Variants in FKBP6 observed in about 807,000 individuals in gnomAD.
The protein encoded by FKBP6 is inactive peptidyl-prolyl cis-trans isomerase FKBP6.
A neutral mutation model predicts 41.7 loss-of-function variants in FKBP6; 29 were observed. The ratio of observed to expected loss-of-function variants is 0.70; its 90% CI spans 0.52 to 0.95. The LOEUF (loss-of-function observed/expected upper bound fraction) is 0.95. FKBP6 is among the 40% of genes least tolerant of loss of function. FKBP6 has a pLI of 0.00. For synonymous variants in FKBP6, 130 were observed against 165.1 expected (o/e 0.79, Z 1.63); for missense variants, 338 against 408.7 (o/e 0.83, Z 1.49).
intron 3 of FKBP6, 130 bp downstream of exon 3, chr7:73,329,579 AAC>A (rs1804767592): frequency 8.0e-6 from 6 of 750,492 alleles, no homozygotes; most frequent in Non-Finnish European, 1.2e-5. Context: ...GGGTTTTGGT[AAC>A]ACAGCCATGT....
At chr7:73,348,908 C>T (rs1272147639) in intron 8 of FKBP6, among the ~76,000 whole-genome samples, 3 of 151,946 alleles carry the variant, frequency 2.0e-5, no homozygotes, top group Admixed American at 6.6e-5. Flanking sequence ...AGTTAAAGAC[C>T]AGCCTGGGCA....
At chr7:73,353,096 C>G (rs188090833) in intron 8 of FKBP6, among the ~76,000 whole-genome samples, 2 of 152,126 alleles carry the variant, frequency 1.3e-5, no homozygotes, top group Admixed American at 1.3e-4. Context: ...CCCTTTCTGT[C>G]TCTCCCTCTC....
intron 8 of FKBP6, among the ~76,000 whole-genome samples, chr7:73,349,959 C>T (rs559712148): frequency 1.3e-5 from 2 of 152,182 alleles, no homozygotes; most frequent in East Asian, 1.9e-4. Context: ...TGAGGCTGTC[C>T]GAGAATCCCC....
At chr7:73,343,033 C>G (rs77977613) in intron 8 of FKBP6, 134 bp downstream of exon 8, 21,251 of 732,492 alleles carry the variant, frequency 0.029, 437 homozygotes, top group Middle Eastern at 0.052. Flanking sequence ...CTGTAAAGAA[C>G]AACACAACGG....
chr7:73,329,101 G>A (rs781930877), intron 2 of FKBP6, among the ~76,000 whole-genome samples: 1 of 152,092 alleles, frequency 6.6e-6, no homozygotes, highest in Non-Finnish European at 1.5e-5. Context: ...CGCTGCTTCC[G>A]GCCTGAATTA....
intron 7 of FKBP6, among the ~76,000 whole-genome samples, chr7:73,341,823 C>T (rs1412634548): frequency 4.6e-5 from 7 of 151,932 alleles, no homozygotes; most frequent in Non-Finnish European, 8.8e-5. Context: ...ACCACCACAT[C>T]TGGCTAATTG....
At chr7:73,337,106 G>A in intron 5 of FKBP6, 1 of 323,664 alleles carries the variant, frequency 3.1e-6, no homozygotes, top group Non-Finnish European at 6.1e-6. Flanking sequence ...TTTCATTTGG[G>A]TATGAGAGCA....
intron 8 of FKBP6, among the ~76,000 whole-genome samples, chr7:73,356,092 A>G (rs1417575945): frequency 6.7e-6 from 1 of 148,726 alleles, no homozygotes; most frequent in Non-Finnish European, 1.5e-5. Context: ...AAAAAAAAAA[A>G]GTGAGTGTAT....
intron 2 of FKBP6, among the ~76,000 whole-genome samples, chr7:73,329,036 C>T (rs1462292268): frequency 6.6e-6 from 1 of 152,088 alleles, no homozygotes; most frequent in East Asian, 1.9e-4. Flanking sequence ...GACTCCTGGA[C>T]CCAAGTGAGC....
At chr7:73,339,450 G>A (rs1805106539) in intron 5 of FKBP6, among the ~76,000 whole-genome samples, 1 of 151,980 alleles carries the variant, frequency 6.6e-6, no homozygotes, top group Non-Finnish European at 1.5e-5. Context: ...TCCTTATGCC[G>A]GTGCTACACT....
At position 73,344,024 on chromosome 7, in the gene FKBP6, G is replaced by A. The variant is rs115389829; in HGVS notation, c.*2+1125G>A. On this transcript the variant is annotated intron_variant, in intron 8 of 8. Coordinates refer to ENST00000252037, the MANE Select transcript of FKBP6 (RefSeq NM_003602.5). ...AGCATCACAGGTAAATGTTGCCTTCGTCACTGATGCTGGCCATGTGAACCC... is the reference window on the plus strand; with the variant it reads ...AGCATCACAGGTAAATGTTGCCTTCATCACTGATGCTGGCCATGTGAACCC... Among the ~76,000 whole-genome samples, 1,034 of 152,274 alleles carry A rather than the reference G, an allele frequency of 6.8e-3. 10 individuals carry two copies. Among genetic ancestry groups the A allele is most frequent in the African/African-American group, 0.02 (846 of 41,554 alleles).
At chr7:73,338,346 A>G (rs1447599737) in intron 5 of FKBP6, among the ~76,000 whole-genome samples, 1 of 152,202 alleles carries the variant, frequency 6.6e-6, no homozygotes, top group Non-Finnish European at 1.5e-5. Flanking sequence ...TTGTAAGGCT[A>G]CTTTTCCGTT....
At position 73,333,884 on chromosome 7, in the gene FKBP6, G is replaced by A. The variant is rs544431779; in HGVS notation, c.588+2108G>A. Among the ~76,000 whole-genome samples, 9 of 152,098 alleles carry A rather than the reference G, an allele frequency of 5.9e-5. No individual in the cohort carries two copies. In the East Asian group the frequency reaches 9.7e-4, roughly 16 times the overall value. ...GTCAGGAGTTCAAGACCAGCCTGGCGAACATGGTGAAACCCCGTCTCTACT... is the reference window on the plus strand; with the variant it reads ...GTCAGGAGTTCAAGACCAGCCTGGCAAACATGGTGAAACCCCGTCTCTACT... On this transcript the variant is annotated intron_variant, in intron 5 of 8. Coordinates refer to ENST00000252037, the MANE Select transcript of FKBP6 (RefSeq NM_003602.5).
Position 73,340,750 on chromosome 7 carries a change from G to A in FKBP6, c.701G>A (p.Arg234Gln), listed in dbSNP as rs1275158987. ...TCCTTTACATACCTGAAGCTAGACC[G>A]ACCCACCATAGCCCTGTGCTATGGA... Reference protein sequence around the residue: ...NLSFTYLKLDRPTIALCYGEQ... With the variant: ...NLSFTYLKLDQPTIALCYGEQ... Residue 234 changes from arginine to glutamine, a missense_variant, in exon 6 of 9, where the codon CGA (arginine) becomes CAA (glutamine). Transcript: ENST00000252037. 4.0e-5 allele frequency: 64 copies of A among 1,613,698 alleles called. No individual in the cohort carries two copies. The highest frequency in any genetic ancestry group is 5.2e-5 in the Non-Finnish European group (61 of 1,179,952).
At position 73,340,748 on chromosome 7, in the gene FKBP6, C is replaced by T; in HGVS notation, c.699C>T (p.Asp233=). The T allele has an allele frequency of 1.2e-6, 2 of 1,613,886 alleles. No individual in the cohort carries two copies. The highest frequency in any genetic ancestry group is 1.7e-6 in the Non-Finnish European group (2 of 1,179,962). Residue 233 remains aspartate (D), a synonymous_variant, in exon 6 of 9, where the codon GAC becomes GAT. Transcript: ENST00000252037. ...TGTCCTTTACATACCTGAAGCTAGA[C>T]CGACCCACCATAGCCCTGTGCTATG... ...LNLSFTYLKL[D]RPTIALCYGE... is the part of the protein sequence containing the mutation.
intron 5 of FKBP6, among the ~76,000 whole-genome samples, chr7:73,340,029 T>C (rs1805125332): frequency 6.6e-6 from 1 of 152,270 alleles, no homozygotes; most frequent in South Asian, 2.1e-4. Context: ...TAATATTGTC[T>C]TCCAATTAAT....
At chr7:73,335,939 C>T (rs1269651527) in intron 5 of FKBP6, among the ~76,000 whole-genome samples, 7 of 152,144 alleles carry the variant, frequency 4.6e-5, no homozygotes, top group Admixed American at 2.6e-4. Flanking sequence ...GAAAGTTTCT[C>T]CGTCTTTGGA....
intron 5 of FKBP6, among the ~76,000 whole-genome samples, chr7:73,332,512 C>T (rs1804879099): frequency 6.6e-6 from 1 of 151,278 alleles, no homozygotes; most frequent in African/African-American, 2.4e-5. Flanking sequence ...AAAAAATCCT[C>T]ATGCCAAAGG....
At chr7:73,356,458 G>C (rs1208976367) in intron 8 of FKBP6, among the ~76,000 whole-genome samples, 2 of 152,174 alleles carry the variant, frequency 1.3e-5, no homozygotes, top group East Asian at 3.8e-4. Context: ...TAGTGTCTGA[G>C]AGATTCCATT....
Sources: gnomAD v4.1 joint callset for allele counts (sites outside exome capture counted in the v4.1 genomes callset) on GRCh38, gnomAD v4.1.1 for gene constraint, MANE v1.5 for transcripts, NCBI Gene and HGNC (gene_info 2026-07-23, HGNC 2026-07-21) for gene names.